The following EXOC4 variants were observed in gnomAD, a reference collection of about 807,000 sequenced individuals.
EXOC4 encodes the protein exocyst complex component 4.
Under a neutral mutation model 107.2 loss-of-function variants are expected in EXOC4, and 71 were observed. That is an observed-to-expected ratio of 0.66 (90% CI 0.55 to 0.81). The LOEUF (loss-of-function observed/expected upper bound fraction) is 0.81, where lower values mean the gene tolerates loss of function less well. Among genes scored for constraint, EXOC4 ranks in the 30% least tolerant of loss-of-function variants. EXOC4 has a pLI of 0.00. For synonymous variants in EXOC4, 456 were observed against 441.2 expected, an observed-to-expected ratio of 1.03 and a Z score of -0.42; for missense variants, 1,108 against 1,189.6, an observed-to-expected ratio of 0.93 and a Z score of 1.01.
chr7:133,746,313 A>G (rs111877387), intron 10 of EXOC4, among the ~76,000 whole-genome samples: 6 of 152,328 alleles, frequency 3.9e-5, no homozygotes, highest in African/African-American at 1.4e-4. Context: ...CAAGTGACAT[A>G]AAGAACTTTC....
chr7:133,345,637 A>G (rs1554439716), intron 5 of EXOC4, among the ~76,000 whole-genome samples: 2 of 151,984 alleles, frequency 1.3e-5, no homozygotes, highest in Non-Finnish European at 2.9e-5. Context: ...TTGTTTATTT[A>G]TTTATTTTCC....
intron 7 of EXOC4, among the ~76,000 whole-genome samples, chr7:133,389,764 A>G (rs1440013440): frequency 1.3e-5 from 2 of 152,074 alleles, no homozygotes; most frequent in Non-Finnish European, 2.9e-5. Flanking sequence ...TGATAAAGAC[A>G]TACTCCAAAC....
intron 1 of EXOC4, among the ~76,000 whole-genome samples, chr7:133,258,269 G>A (rs908101834): frequency 1.3e-5 from 2 of 152,192 alleles, no homozygotes; most frequent in African/African-American, 2.4e-5. Flanking sequence ...CCATGTCTTA[G>A]TGTACCTCGT....
At chr7:133,622,610 A>G (rs2151007601) in intron 9 of EXOC4, among the ~76,000 whole-genome samples, 1 of 152,202 alleles carries the variant, frequency 6.6e-6, no homozygotes, top group South Asian at 2.1e-4. Context: ...CATGATCATT[A>G]TATTTATATA....
chr7:133,650,866 C>T (rs1803126976), intron 10 of EXOC4, among the ~76,000 whole-genome samples: 1 of 149,208 alleles, frequency 6.7e-6, no homozygotes, highest in Middle Eastern at 3.3e-3. Context: ...GGTTATTTAT[C>T]CCATAATAGA....
chr7:133,553,953 G>A (rs1800643452), intron 9 of EXOC4, among the ~76,000 whole-genome samples: 1 of 151,952 alleles, frequency 6.6e-6, no homozygotes, highest in Non-Finnish European at 1.5e-5. Context: ...CTTATTTTAT[G>A]TAATATAGAT....
intron 17 of EXOC4, among the ~76,000 whole-genome samples, chr7:134,056,781 G>A (rs1206097913): frequency 1.3e-5 from 2 of 152,194 alleles, no homozygotes; most frequent in South Asian, 2.1e-4. Context: ...TTCCAAAGGT[G>A]GGGAGCAAAG....
chr7:133,712,860 G>T (rs1187116187), intron 10 of EXOC4, among the ~76,000 whole-genome samples: 1 of 152,174 alleles, frequency 6.6e-6, no homozygotes, highest in Non-Finnish European at 1.5e-5. Flanking sequence ...GGCCCCAAAG[G>T]CCATATATTA....
chr7:133,325,354 GT>G (rs1220369440), intron 5 of EXOC4, among the ~76,000 whole-genome samples: 12 of 152,158 alleles, frequency 7.9e-5, no homozygotes, highest in Non-Finnish European at 1.5e-4. Flanking sequence ...GGTACTGGTT[GT>G]TCCTTTCCAT....
chr7:133,680,477 C>A (rs1207681716), intron 10 of EXOC4, among the ~76,000 whole-genome samples: 2 of 152,176 alleles, frequency 1.3e-5, no homozygotes, highest in African/African-American at 4.8e-5. Flanking sequence ...GAAACACATT[C>A]CCCTGACACG....
At chr7:133,395,346 T>A (rs1174166595) in intron 7 of EXOC4, among the ~76,000 whole-genome samples, 2 of 152,138 alleles carry the variant, frequency 1.3e-5, no homozygotes, top group Non-Finnish European at 2.9e-5. Flanking sequence ...AATCACAGGA[T>A]TAAAGCGATG....
chr7:134,057,150 G>A (rs550561267), intron 17 of EXOC4, among the ~76,000 whole-genome samples: 40 of 152,198 alleles, frequency 2.6e-4, no homozygotes, highest in African/African-American at 9.2e-4. Context: ...GTGCGTGCAT[G>A]TGTCACTATA....
chr7:133,884,910 A>G (rs1445868484), intron 11 of EXOC4, among the ~76,000 whole-genome samples: 1 of 152,218 alleles, frequency 6.6e-6, no homozygotes, highest in African/African-American at 2.4e-5. Context: ...TATATAATGA[A>G]TTGCCATTAT....
chr7:133,308,173 C>T (rs1394949606), intron 4 of EXOC4, among the ~76,000 whole-genome samples: 1 of 152,080 alleles, frequency 6.6e-6, no homozygotes, highest in East Asian at 1.9e-4. Context: ...GAAAGATGAA[C>T]AGTGGTCAAT....
chr7:133,944,353 A>G (rs1800501698), intron 14 of EXOC4, among the ~76,000 whole-genome samples: 1 of 152,120 alleles, frequency 6.6e-6, no homozygotes, highest in Non-Finnish European at 1.5e-5. Context: ...AGTTATAGGA[A>G]TTCTGGTTGG....
intron 9 of EXOC4, among the ~76,000 whole-genome samples, chr7:133,585,586 A>G (rs1801383981): frequency 6.6e-6 from 1 of 151,894 alleles, no homozygotes; most frequent in African/African-American, 2.4e-5. Flanking sequence ...TGACCACACC[A>G]CTGTACACCA....
At chr7:133,970,309 A>G (rs1801174987) in intron 14 of EXOC4, among the ~76,000 whole-genome samples, 1 of 151,670 alleles carries the variant, frequency 6.6e-6, no homozygotes, top group Non-Finnish European at 1.5e-5. Context: ...GCTGAGCTAG[A>G]CCACTTGGCT....
downstream of EXOC4, among the ~76,000 whole-genome samples, chr7:134,070,290 T>C (rs1055432962): frequency 7.8e-6 from 1 of 128,510 alleles, no homozygotes; most frequent in Non-Finnish European, 1.6e-5. Context: ...CAGAGGTTTT[T>C]CCTGAAATGG....
intron 4 of EXOC4, among the ~76,000 whole-genome samples, chr7:133,313,908 T>C (rs991953584): frequency 1.3e-5 from 2 of 152,180 alleles, no homozygotes; most frequent in Non-Finnish European, 2.9e-5. Flanking sequence ...CATTTTATAC[T>C]AGCAGGGATT....
Sources: allele counts gnomAD v4.1 joint callset (sites outside exome capture counted in the v4.1 genomes callset), GRCh38; gene constraint gnomAD v4.1.1; transcripts MANE v1.5; gene names NCBI Gene and HGNC (gene_info 2026-07-23, HGNC 2026-07-21).